The following MSH3 variants were observed in gnomAD, a reference collection of about 807,000 sequenced individuals.
MSH3 encodes mutS homolog 3, also known as DNA mismatch repair protein Msh3.
A neutral mutation model predicts 123.3 loss-of-function variants in MSH3; 106 were observed. That is an observed-to-expected ratio of 0.86 (90% CI 0.73 to 1.01). The LOEUF (loss-of-function observed/expected upper bound fraction) is 1.01, where lower values mean the gene tolerates loss of function less well. Among genes scored for constraint, MSH3 ranks in the 50% least tolerant of loss-of-function variants. The pLI is 0.00. For missense variants in MSH3, 1,459 were observed against 1,347.6 expected, an observed-to-expected ratio of 1.08 and a Z score of -1.29; for synonymous variants, 515 against 481.4, an observed-to-expected ratio of 1.07 and a Z score of -0.91.
intron 18 of MSH3, among the ~76,000 whole-genome samples, chr5:80,789,145 T>C (rs1365874227): frequency 3.9e-5 from 6 of 152,216 alleles, no homozygotes; most frequent in Admixed American, 1.3e-4. Context: ...ATGAATATTA[T>C]ATAATGATTT....
intron 13 of MSH3, among the ~76,000 whole-genome samples, chr5:80,764,841 GT>G (rs1744097923): frequency 6.6e-6 from 1 of 152,188 alleles, no homozygotes; most frequent in South Asian, 2.1e-4. Context: ...TGAGGAGAGT[GT>G]TTTCAGAATT....
chr5:80,804,620 C>T (rs997285024), intron 19 of MSH3, among the ~76,000 whole-genome samples: 9 of 152,328 alleles, frequency 5.9e-5, no homozygotes, highest in Admixed American at 3.9e-4. Flanking sequence ...CCTTTACTTT[C>T]CCCCAAACAA....
chr5:80,780,854 C>A (rs769090049), intron 17 of MSH3, among the ~76,000 whole-genome samples: 1 of 151,934 alleles, frequency 6.6e-6, no homozygotes, highest in African/African-American at 2.4e-5. Context: ...GGCAACAGAG[C>A]GTGACTGTCT....
Position 80,670,284 on chromosome 5 carries a change from A to G in MSH3, c.767A>G (p.Tyr256Cys), listed in dbSNP as rs1580550393. The G allele has an allele frequency of 1.2e-6, 2 of 1,614,158 alleles. No individual in the cohort carries two copies. Among genetic ancestry groups the G allele is most frequent in the South Asian group, 1.1e-5 (1 of 91,086 alleles). ...AVLCVECGYK[Y>C]RFFGEDAEIA... Reference sequence around the variant, plus strand: ...TTGTGTGTGGAATGTGGATATAAGTATAGATTCTTTGGGGAAGATGCAGAG... The same window carrying G: ...TTGTGTGTGGAATGTGGATATAAGTGTAGATTCTTTGGGGAAGATGCAGAG... The change falls in exon 4 of 24, where the codon TAT (tyrosine) becomes TGT (cysteine). Residue 256 changes from tyrosine (Y) to cysteine (C), a missense_variant. Transcript: ENST00000265081.
At chr5:80,865,024 C>CTTTCA in intron 22 of MSH3, 82 bp downstream of exon 22, 1 of 1,329,260 alleles carries the variant, frequency 7.5e-7, no homozygotes, top group Non-Finnish European at 1.1e-6. Context: ...GAACTTACTG[C>CTTTCA]TTATTAATAA....
intron 20 of MSH3, among the ~76,000 whole-genome samples, chr5:80,840,393 T>G (rs2112089665): frequency 6.6e-6 from 1 of 152,146 alleles, no homozygotes; most frequent in East Asian, 1.9e-4. Flanking sequence ...ACTGCTACTC[T>G]TCCTTGTATC....
intron 8 of MSH3, among the ~76,000 whole-genome samples, chr5:80,714,811 A>G (rs1750926105): frequency 6.6e-6 from 1 of 152,246 alleles, no homozygotes; most frequent in South Asian, 2.1e-4. Context: ...TTGAGTTGCT[A>G]AATAAACTTT....
intron 12 of MSH3, among the ~76,000 whole-genome samples, chr5:80,745,238 A>G (rs1743695480): frequency 6.6e-6 from 1 of 152,146 alleles, no homozygotes; most frequent in Admixed American, 6.6e-5. Context: ...CAGCCCCCAT[A>G]GATTGTGATT....
Position 80,654,842 on chromosome 5 carries a change from T to A in MSH3, c.115T>A (p.Ser39Thr), listed in dbSNP as rs1580538013. 1.4e-5 allele frequency: 22 copies of A among 1,600,336 alleles called. No homozygotes were observed. The highest frequency in any genetic ancestry group is 1.9e-5 in the Non-Finnish European group (22 of 1,174,830). ...TACGGGAAGCCTGAAATCCACCTCC[T>A]CCTCCACAGGTGCAGCCGACCAGGT... ...QSTGSLKSTS[S>T]STGAADQVDP... is the part of the protein sequence containing the mutation. The change falls in exon 1 of 24, where the codon TCC becomes ACC. Residue 39 changes from serine (S) to threonine (T), a missense_variant. By Grantham distance (58) the Ser-to-Thr change is moderately conservative. Transcript: ENST00000265081.
At chr5:80,656,129 A>G (rs910827057) in intron 1 of MSH3, among the ~76,000 whole-genome samples, 2 of 152,176 alleles carry the variant, frequency 1.3e-5, no homozygotes, top group Non-Finnish European at 2.9e-5. Context: ...AATTAGAGAA[A>G]GCTGAAGGCT....
intron 10 of MSH3, among the ~76,000 whole-genome samples, chr5:80,730,165 T>G (rs558817496): frequency 1.6e-4 from 25 of 152,320 alleles, no homozygotes; most frequent in African/African-American, 6.0e-4. Flanking sequence ...ATTCATGCAA[T>G]GTAATGTTAT....
intron 8 of MSH3, among the ~76,000 whole-genome samples, chr5:80,703,013 C>A (rs1750646152): frequency 1.3e-5 from 2 of 152,116 alleles, no homozygotes; most frequent in Admixed American, 6.6e-5. Context: ...CAAGCAACAG[C>A]AACAAAACAA....
In MSH3 at chr5:80,681,172, A is replaced by G. The variant is rs577442572; in HGVS notation, c.1340+2079A>G. On this transcript the variant is annotated intron_variant, in intron 8 of 23. Transcript: ENST00000265081. ...CACATAGATGAAAAATTTTGCATCAAATCTCTTCATTTTGATCTTAATCCT... is the reference window on the plus strand; with the variant it reads ...CACATAGATGAAAAATTTTGCATCAGATCTCTTCATTTTGATCTTAATCCT... 1.4e-4 allele frequency among the ~76,000 whole-genome samples: 22 copies of G among 152,292 alleles called. No individual in the cohort carries two copies. The South Asian group carries it at 1.7e-3, about 11-fold the overall frequency.
intron 19 of MSH3, among the ~76,000 whole-genome samples, chr5:80,802,618 A>G (rs1481073211): frequency 6.6e-6 from 1 of 152,120 alleles, no homozygotes; most frequent in Admixed American, 6.5e-5. Flanking sequence ...TGTACAATAA[A>G]TTTTGTTGAC....
intron 8 of MSH3, among the ~76,000 whole-genome samples, chr5:80,685,424 A>G (rs1296509075): frequency 1.3e-5 from 2 of 151,728 alleles, no homozygotes; most frequent in East Asian, 3.9e-4. Flanking sequence ...GAATTTATCC[A>G]TTTCTTCTAG....
chr5:80,848,594 C>G (rs1745766200), intron 20 of MSH3, among the ~76,000 whole-genome samples: 1 of 152,194 alleles, frequency 6.6e-6, no homozygotes, highest in African/African-American at 2.4e-5. Context: ...CAAGTCACAT[C>G]TTATGTGGAT....
At chr5:80,805,302 A>G (rs1744867403) in intron 19 of MSH3, among the ~76,000 whole-genome samples, 1 of 152,218 alleles carries the variant, frequency 6.6e-6, no homozygotes, top group South Asian at 2.1e-4. Flanking sequence ...AAACATAGTG[A>G]TCAGGCAAGC....
At chr5:80,825,212 C>T (rs1745273495) in intron 20 of MSH3, among the ~76,000 whole-genome samples, 1 of 152,142 alleles carries the variant, frequency 6.6e-6, no homozygotes. Flanking sequence ...TCCCATTGCC[C>T]TCTACCCTAT....
chr5:80,708,490 C>CT (rs1750769242), intron 8 of MSH3, among the ~76,000 whole-genome samples: 1 of 151,980 alleles, frequency 6.6e-6, no homozygotes, highest in Non-Finnish European at 1.5e-5. Context: ...CAGGGTCTCG[C>CT]TTTTTCGCCC....
Sources: gnomAD v4.1 joint callset for allele counts (sites outside exome capture counted in the v4.1 genomes callset) on GRCh38, gnomAD v4.1.1 for gene constraint, MANE v1.5 for transcripts, NCBI Gene and HGNC (gene_info 2026-07-23, HGNC 2026-07-21) for gene names.